ERCC6L2: variants seen among roughly 807,000 people sequenced by gnomAD.
ERCC6L2 encodes the protein ERCC excision repair 6 like 2.
A neutral mutation model predicts 132.0 loss-of-function variants in ERCC6L2; 77 were observed. The observed-to-expected ratio is 0.58, with a 90% CI of 0.49 to 0.71. The LOEUF is 0.71. Among genes scored for constraint, ERCC6L2 ranks in the 30% least tolerant of loss-of-function variants. The pLI is 0.00. For synonymous variants in ERCC6L2, 583 were observed against 632.4 expected (o/e 0.92, Z 1.17); for missense variants, 1,542 against 1,837.6 (o/e 0.84, Z 2.94).
At chr9:95,984,641 ATC>A (rs554823829) in intron 17 of ERCC6L2, among the ~76,000 whole-genome samples, 1 of 152,164 alleles carries the variant, frequency 6.6e-6, no homozygotes, top group Admixed American at 6.5e-5. Flanking sequence ...TTATATACAT[ATC>A]TCTCTTTTCT....
chr9:95,893,787 CCAGGGG>C (rs2132581697), intron 2 of ERCC6L2, among the ~76,000 whole-genome samples: 1 of 151,924 alleles, frequency 6.6e-6, no homozygotes, highest in African/African-American at 2.4e-5. Context: ...ATCAATTTTG[CCAGGGG>C]TTTATTGAAA....
At chr9:95,963,022 G>A (rs547413262) in intron 13 of ERCC6L2, among the ~76,000 whole-genome samples, 3 of 152,222 alleles carry the variant, frequency 2.0e-5, no homozygotes, top group African/African-American at 7.2e-5. Flanking sequence ...TGCATCTGTT[G>A]TGATGATGCA....
intron 11 of ERCC6L2, among the ~76,000 whole-genome samples, chr9:95,939,469 G>A (rs1830701889): frequency 6.6e-6 from 1 of 152,052 alleles, no homozygotes; most frequent in Non-Finnish European, 1.5e-5. Context: ...GAAAGATAAT[G>A]CCACTTTCTT....
rs1008614428 is a variant in ERCC6L2 at position 95,942,398 on chromosome 9, A to G, written c.1847+849A>G. ...AAAAACAGACATTGAAGGGAATAAA[A>G]TAAGAATAGGATGCCAAGGAAAAAA... is the stretch of plus-strand genomic sequence containing the variant. On this transcript the variant is annotated intron_variant, in intron 12 of 18. Transcript: ENST00000653738. 2.0e-5 allele frequency among the ~76,000 whole-genome samples: 3 copies of G among 152,194 alleles called. 1 individual carries two copies. Among genetic ancestry groups the G allele is most frequent in the Non-Finnish European group, 4.4e-5 (3 of 68,036 alleles).
chr9:96,014,518 T>A lies in ERCC6L2; in HGVS notation c.*1315T>A, dbSNP rs1445136663. On this transcript the variant is annotated 3_prime_UTR_variant, in exon 19 of 19. Coordinates refer to ENST00000653738, the MANE Select transcript of ERCC6L2 (RefSeq NM_020207.7). ...AATTTATGTCATGACTCAGTACATA[T>A]GTGTTCGTACATATATGATTGGAAT... 1 of 152,208 alleles carries A rather than the reference T, an allele frequency of 6.6e-6. No individual in the cohort carries two copies. Among genetic ancestry groups the A allele is most frequent in the Non-Finnish European group, 1.5e-5 (1 of 68,048 alleles). The allele number at this position is 152,208 out of a possible 1,614,324, so 9.4% of individuals were successfully genotyped here.
chr9:95,893,002 T>G (rs901675522), intron 2 of ERCC6L2, among the ~76,000 whole-genome samples: 1 of 152,204 alleles, frequency 6.6e-6, no homozygotes, highest in Non-Finnish European at 1.5e-5. Flanking sequence ...TGGGTTGATA[T>G]GATATTTTTT....
At chr9:95,899,403 G>A (rs149153118) in intron 3 of ERCC6L2, among the ~76,000 whole-genome samples, 2 of 152,166 alleles carry the variant, frequency 1.3e-5, no homozygotes, top group Non-Finnish European at 2.9e-5. Context: ...GGTGAGCCAT[G>A]TTTGCACCAC....
intron 5 of ERCC6L2, 102 bp from the exon 6 acceptor site, chr9:95,916,125 G>C: frequency 1.8e-6 from 2 of 1,108,294 alleles, no homozygotes; most frequent in East Asian, 2.5e-5. Flanking sequence ...TTTTGTTTTT[G>C]TTACCGTTGA....
intron 19 of ERCC6L2, among the ~76,000 whole-genome samples, chr9:96,030,369 C>A (rs1834440816): frequency 6.6e-6 from 1 of 152,118 alleles, no homozygotes. Context: ...TTTCACTCTT[C>A]ACAATAAATC....
In ERCC6L2 at chr9:95,916,227, G is replaced by C. The variant is rs1829579592; in HGVS notation, c.951G>C (p.Trp317Cys). The change falls in exon 6 of 19, where the codon TGG (tryptophan) becomes TGC (cysteine). Residue 317 changes from tryptophan to cysteine, a missense_variant and splice_region_variant. By Grantham distance (215) the Trp-to-Cys change is radical (BLOSUM62 -2). Coordinates refer to ENST00000653738, the MANE Select transcript of ERCC6L2 (RefSeq NM_020207.7). Reference sequence around the variant, plus strand: ...CATTTTTCTTATTGTCTTTATAAAGGGCTGTGCCAGGCCTTTTAGGGAGTG... The same window carrying C: ...CATTTTTCTTATTGTCTTTATAAAGCGCTGTGCCAGGCCTTTTAGGGAGTG... ...NMKELWCVMDWAVPGLLGSGT... is the reference protein window; with the variant it reads ...NMKELWCVMDCAVPGLLGSGT... 6.2e-7 allele frequency: 1 copy of C among 1,613,644 alleles called. No homozygotes were observed. Among genetic ancestry groups the C allele is most frequent in the Non-Finnish European group, 8.5e-7 (1 of 1,179,764 alleles).
intron 3 of ERCC6L2, 142 bp from the exon 4 acceptor site, chr9:95,906,936 C>G: frequency 1.6e-6 from 1 of 636,962 alleles, no homozygotes; most frequent in South Asian, 2.0e-5. Flanking sequence ...CCAGATATAG[C>G]TAATCACTCA....
chr9:95,976,896 A>G (rs1166896476), intron 16 of ERCC6L2, among the ~76,000 whole-genome samples: 1 of 152,184 alleles, frequency 6.6e-6, no homozygotes, highest in Admixed American at 6.5e-5. Flanking sequence ...GTGTTTGATT[A>G]TATACAAATG....
intron 4 of ERCC6L2, among the ~76,000 whole-genome samples, chr9:95,907,855 ACCCC>A (rs374278292): frequency 4.1e-4 from 43 of 103,698 alleles, no homozygotes; most frequent in South Asian, 1.3e-3. Flanking sequence ...ACACACACAC[ACCCC>A]CACACCCACA....
Position 96,014,895 on chromosome 9 carries a change from A to G in ERCC6L2, c.*1692A>G, listed in dbSNP as rs986692616. Among the ~76,000 whole-genome samples the G allele has an allele frequency of 1.3e-5, 2 of 152,166 alleles. No homozygotes were observed. Among genetic ancestry groups the G allele is most frequent in the African/African-American group, 2.4e-5 (1 of 41,438 alleles). ...TGTGATCAGCTATCTGAGGAACTCC[A>G]GTAAGTAGATACCACTTCATTTCAG... On this transcript the variant is annotated 3_prime_UTR_variant, in exon 19 of 19. Transcript: ENST00000653738.
chr9:95,979,087 G>C (rs558297956), intron 17 of ERCC6L2, among the ~76,000 whole-genome samples: 11 of 152,282 alleles, frequency 7.2e-5, no homozygotes, highest in African/African-American at 2.6e-4. Context: ...GAGAAAGTTA[G>C]AATGCAAATG....
At chr9:96,029,647 G>C (rs55645821) in intron 19 of ERCC6L2, among the ~76,000 whole-genome samples, 15,935 of 152,256 alleles carry the variant, frequency 0.1, 910 homozygotes, top group African/African-American at 0.13. Flanking sequence ...AATAGAAATT[G>C]AATGATACAC....
At chr9:95,887,703 T>C (rs1443004140) in intron 2 of ERCC6L2, among the ~76,000 whole-genome samples, 2 of 152,222 alleles carry the variant, frequency 1.3e-5, no homozygotes, top group Non-Finnish European at 2.9e-5. Flanking sequence ...ATGGGATTGC[T>C]GATAATTAAA....
Position 96,013,374 on chromosome 9 carries a change from TATTTG to T in ERCC6L2, c.*179_*183del. 4 of 414,222 alleles carry T rather than the reference TATTTG, an allele frequency of 9.7e-6. No individual in the cohort carries two copies. Among genetic ancestry groups the T allele is most frequent in the South Asian group, 6.0e-5 (2 of 33,136 alleles). The allele number at this position is 414,222 out of a possible 1,614,324, so 25.7% of individuals were successfully genotyped here. The stretch of plus-strand genomic sequence containing the variant: ...ATTGTCATGGATCTGTTTTTCTTGA[TATTTG>T]ATTTGATCTTTCAAGAATATGATTG... On this transcript the variant is annotated 3_prime_UTR_variant, in exon 19 of 19. Transcript: ENST00000653738.
chr9:95,949,606 T>C (rs905076028), intron 12 of ERCC6L2, among the ~76,000 whole-genome samples: 4 of 151,570 alleles, frequency 2.6e-5, no homozygotes, highest in Non-Finnish European at 5.9e-5. Flanking sequence ...AAAGAAAAAG[T>C]GTTTACCGAG....
Sources: gnomAD v4.1 joint callset for allele counts (sites outside exome capture counted in the v4.1 genomes callset) on GRCh38, gnomAD v4.1.1 for gene constraint, MANE v1.5 for transcripts, NCBI Gene and HGNC (gene_info 2026-07-23, HGNC 2026-07-21) for gene names.